UBAP2: variants seen among roughly 807,000 people sequenced by gnomAD.
UBAP2 encodes the protein ubiquitin associated protein 2.
Under a neutral mutation model 139.6 loss-of-function variants are expected in UBAP2, and 75 were observed. That is an observed-to-expected ratio of 0.54 (90% CI 0.45 to 0.65). The LOEUF (loss-of-function observed/expected upper bound fraction) is 0.65, where lower values mean the gene tolerates loss of function less well. Ranked by LOEUF, UBAP2 falls within the 30% of genes least tolerant of loss-of-function variation. UBAP2 has a pLI of 0.00. For synonymous variants in UBAP2, 526 were observed against 526.2 expected, an observed-to-expected ratio of 1.00 and a Z score of 0.01; for missense variants, 1,368 against 1,369.6, an observed-to-expected ratio of 1.00 and a Z score of 0.02.
At chr9:33,962,152 A>G (rs1045335347) in intron 9 of UBAP2, among the ~76,000 whole-genome samples, 1 of 152,232 alleles carries the variant, frequency 6.6e-6, no homozygotes, top group Non-Finnish European at 1.5e-5. Context: ...TTCCAGGAGA[A>G]AAACAATGAT....
intron 1 of UBAP2, among the ~76,000 whole-genome samples, chr9:34,023,575 G>T (rs907516114): frequency 6.6e-6 from 1 of 152,132 alleles, no homozygotes; most frequent in African/African-American, 2.4e-5. Context: ...CAATGAATAC[G>T]TAATTAGCCT....
chr9:33,968,158 TAGA>T, intron 8 of UBAP2: 1 of 591,888 alleles, frequency 1.7e-6, no homozygotes, highest in South Asian at 1.4e-5. Context: ...ATCCAATGAA[TAGA>T]AGAAGAAATC....
chr9:34,023,477 C>T (rs1416267544), intron 1 of UBAP2, among the ~76,000 whole-genome samples: 2 of 152,074 alleles, frequency 1.3e-5, no homozygotes, highest in African/African-American at 2.4e-5. Context: ...TTTGTTATAA[C>T]GCAAACTATT....
chr9:34,011,982 C>A (rs573313167), intron 2 of UBAP2, among the ~76,000 whole-genome samples: 3 of 72,268 alleles, frequency 4.2e-5, no homozygotes, highest in Admixed American at 1.7e-4. Context: ...TTATGCCCAC[C>A]ACCAAAGATA....
chr9:33,931,310 T>C (rs1823960811), intron 19 of UBAP2, among the ~76,000 whole-genome samples: 1 of 152,252 alleles, frequency 6.6e-6, no homozygotes, highest in Non-Finnish European at 1.5e-5. Context: ...GAGGGACAAC[T>C]GTATTAGCAA....
At chr9:33,983,061 G>A (rs1202956990) in intron 6 of UBAP2, among the ~76,000 whole-genome samples, 1 of 151,870 alleles carries the variant, frequency 6.6e-6, no homozygotes, top group African/African-American at 2.4e-5. Flanking sequence ...TGTATTTTGA[G>A]TAGAGACAGG....
rs755749229 is a variant in UBAP2, at chr9:33,948,364, G to GTA, written c.1270+8_1270+9dup. The GTA allele has an allele frequency of 6.2e-7, 1 of 1,600,058 alleles. No homozygotes were observed. Among genetic ancestry groups the GTA allele is most frequent in the Non-Finnish European group, 8.5e-7 (1 of 1,170,686 alleles). On this transcript the variant is annotated intron_variant, in intron 13 of 28. Coordinates refer to ENST00000379238, the MANE Select transcript of UBAP2 (RefSeq NM_001370062.2). ...CAGTAGGGGCAAACCCACAAACAAT[G>GTA]TATACCTACCAAGATGACTGAGGAC...
intron 10 of UBAP2, among the ~76,000 whole-genome samples, chr9:33,958,269 G>C (rs1826734129): frequency 6.6e-6 from 1 of 151,382 alleles, no homozygotes; most frequent in African/African-American, 2.4e-5. Flanking sequence ...CCCCAAGGTA[G>C]TATATTTTAA....
At chr9:33,970,430 GT>G in intron 8 of UBAP2, among the ~76,000 whole-genome samples, 1 of 151,262 alleles carries the variant, frequency 6.6e-6, no homozygotes, top group Non-Finnish European at 1.5e-5. Context: ...GGATGTTTGT[GT>G]GCATTATTTT....
chr9:34,022,175 G>C (rs917841763), intron 1 of UBAP2, among the ~76,000 whole-genome samples: 1 of 151,926 alleles, frequency 6.6e-6, no homozygotes, highest in African/African-American at 2.4e-5. Flanking sequence ...AAGCCAGGAG[G>C]AGGAGGTTGC....
intron 6 of UBAP2, among the ~76,000 whole-genome samples, chr9:33,982,475 C>T (rs1214452014): frequency 2.0e-5 from 3 of 152,032 alleles, no homozygotes; most frequent in Non-Finnish European, 2.9e-5. Flanking sequence ...TTATATAAAG[C>T]GAACGTAATA....
chr9:34,027,694 A>T (rs1825522824), intron 1 of UBAP2, among the ~76,000 whole-genome samples: 1 of 50,428 alleles, frequency 2.0e-5, no homozygotes, highest in Admixed American at 2.5e-4. Flanking sequence ...CATCTCTACT[A>T]AAAATACAAA....
intron 22 of UBAP2, among the ~76,000 whole-genome samples, chr9:33,926,263 G>A (rs377515994): frequency 3.3e-5 from 5 of 152,290 alleles, no homozygotes; most frequent in Admixed American, 2.0e-4. Flanking sequence ...CCAGGGCCAC[G>A]TAAGCAACCT....
intron 2 of UBAP2, among the ~76,000 whole-genome samples, chr9:34,016,412 T>C (rs993782653): frequency 2.7e-5 from 4 of 147,702 alleles, no homozygotes; most frequent in South Asian, 2.2e-4. Context: ...GTGGTGGTGG[T>C]GGCAGTGGCA....
chr9:34,025,914 TAA>T (rs1825363428), intron 1 of UBAP2, among the ~76,000 whole-genome samples: 1 of 152,132 alleles, frequency 6.6e-6, no homozygotes, highest in African/African-American at 2.4e-5. Context: ...TTTCTGAAGA[TAA>T]GATACCTCAG....
Position 34,013,011 on chromosome 9 carries a change from G to A in UBAP2, c.99+4039C>T, listed in dbSNP as rs537945066. Among the ~76,000 whole-genome samples, 28 of 151,180 alleles carry A rather than the reference G, an allele frequency of 1.9e-4. No individual in the cohort carries two copies. The South Asian group carries it at 4.2e-3, about 23-fold the overall frequency. On this transcript the variant is annotated intron_variant, in intron 2 of 28. Coordinates refer to ENST00000379238, the MANE Select transcript of UBAP2 (RefSeq NM_001370062.2). Reference sequence around the variant, plus strand: ...TCTACTAAAACTACTAAAATTAGCCGGGTGTGGTGATGTACAAGTGTAGTC... The same window carrying A: ...TCTACTAAAACTACTAAAATTAGCCAGGTGTGGTGATGTACAAGTGTAGTC...
intron 3 of UBAP2, 140 bp downstream of exon 3, chr9:33,998,647 C>T: frequency 1.5e-6 from 1 of 657,362 alleles, no homozygotes; most frequent in Non-Finnish European, 2.5e-6. Flanking sequence ...AATCACAAGT[C>T]CAAAATCCAA....
rs142290252 is a variant in UBAP2, at chr9:34,037,529, A to G, written c.-42+11296T>C. Among the ~76,000 whole-genome samples the G allele has an allele frequency of 2.7e-3, 409 of 152,358 alleles. 2 individuals are homozygous for G. The highest frequency in any genetic ancestry group is 0.01 in the East Asian group (54 of 5,194). ...CAGTGTTTCAAAACTTAGGGTTGGC[A>G]TAGCAGTCATGGAATACATATTTTT... On this transcript the variant is annotated intron_variant, in intron 1 of 28. Coordinates refer to ENST00000379238, the MANE Select transcript of UBAP2 (RefSeq NM_001370062.2).
At chr9:33,976,194 G>A (rs1828331553) in intron 6 of UBAP2, among the ~76,000 whole-genome samples, 2 of 151,788 alleles carry the variant, frequency 1.3e-5, no homozygotes, top group Non-Finnish European at 2.9e-5. Context: ...CTTTTGGCAA[G>A]AATACAGGCC....
Sources: allele counts gnomAD v4.1 joint callset (sites outside exome capture counted in the v4.1 genomes callset), GRCh38; gene constraint gnomAD v4.1.1; transcripts MANE v1.5; gene names NCBI Gene and HGNC (gene_info 2026-07-23, HGNC 2026-07-21).